The following VPS8 variants were observed in gnomAD, a reference collection of about 807,000 sequenced individuals.
VPS8 encodes VPS8 subunit of CORVET complex, also known as vacuolar protein sorting-associated protein 8 homolog.
VPS8 carries 129 observed loss-of-function variants against 216.4 expected under a neutral mutation model. The ratio of observed to expected loss-of-function variants is 0.60; its 90% CI spans 0.52 to 0.69. VPS8 has a LOEUF of 0.69. Among genes scored for constraint, VPS8 ranks in the 30% least tolerant of loss-of-function variants. The probability of loss-of-function intolerance (pLI) is 0.00; values close to 1 mark genes in which losing one functional copy is unlikely to be tolerated. For missense variants in VPS8, 1,531 were observed against 1,683.5 expected (o/e 0.91, Z 1.59); for synonymous variants, 571 against 565.4 (o/e 1.01, Z -0.14).
intron 6 of VPS8, chr3:184,839,192 C>T (rs770301661): frequency 1.7e-5 from 3 of 176,446 alleles, no homozygotes; most frequent in Non-Finnish European, 3.5e-5. Context: ...ATTGAAAGCA[C>T]GCTGGTACTC....
chr3:184,908,693 T>C (rs1735932581), intron 25 of VPS8, among the ~76,000 whole-genome samples: 1 of 152,216 alleles, frequency 6.6e-6, no homozygotes, highest in Non-Finnish European at 1.5e-5. Flanking sequence ...TCCCCAGCTC[T>C]TGTCCAGCAT....
intron 40 of VPS8, among the ~76,000 whole-genome samples, chr3:184,978,484 C>CT (rs1749676587): frequency 6.6e-6 from 1 of 151,822 alleles, no homozygotes; most frequent in South Asian, 2.1e-4. Context: ...TATGATCGAC[C>CT]TCCCAGGCTC....
chr3:184,925,656 C>A (rs1739452728), intron 30 of VPS8, among the ~76,000 whole-genome samples: 1 of 152,092 alleles, frequency 6.6e-6, no homozygotes, highest in African/African-American at 2.4e-5. Flanking sequence ...TATCCAAATT[C>A]AAGTGGCCTG....
At chr3:184,934,570 A>T (rs1476074301) in intron 34 of VPS8, among the ~76,000 whole-genome samples, 4 of 152,168 alleles carry the variant, frequency 2.6e-5, no homozygotes, top group Admixed American at 6.5e-5. Context: ...TGTTTACTGT[A>T]AGGATTTTTA....
intron 36 of VPS8, among the ~76,000 whole-genome samples, chr3:184,946,663 C>T (rs1163731426): frequency 2.6e-5 from 4 of 152,072 alleles, no homozygotes; most frequent in Non-Finnish European, 5.9e-5. Context: ...TCTATCTTCC[C>T]ATATCTCTTC....
At chr3:184,815,642 C>G (rs1255720053) in intron 1 of VPS8, 1 of 152,124 alleles carries the variant, frequency 6.6e-6, no homozygotes, top group East Asian at 1.9e-4. Flanking sequence ...GCCTACTCTT[C>G]TGCTCCGCTA....
At position 184,839,710 on chromosome 3, in the gene VPS8, C is replaced by T. The variant is rs1232468106; in HGVS notation, c.493C>T (p.Leu165=). The part of the protein sequence containing the change: ...GLPTAIAVSS[L]IAVGTSHGLA... ...CTTTTGTTTTCAGGCAGTATCCAGTCTGATAGCAGTGGGTACATCTCATGG... is the reference window on the plus strand; with the variant it reads ...CTTTTGTTTTCAGGCAGTATCCAGTTTGATAGCAGTGGGTACATCTCATGG... Residue 165 remains leucine (L), a synonymous_variant, in exon 7 of 48, where the codon CTG becomes TTG. Transcript: ENST00000625842. The T allele has an allele frequency of 6.2e-7, 1 of 1,606,414 alleles. No individual in the cohort carries two copies. Among genetic ancestry groups the T allele is most frequent in the African/African-American group, 1.3e-5 (1 of 74,976 alleles).
chr3:184,970,929 A>G (rs1159675618), intron 39 of VPS8, among the ~76,000 whole-genome samples: 2 of 152,312 alleles, frequency 1.3e-5, no homozygotes, highest in South Asian at 2.1e-4. Context: ...AATATTCGCA[A>G]GTTATCTGAA....
chr3:184,834,724 C>G lies in VPS8; in HGVS notation c.429C>G (p.Ala143=). 1.9e-6 allele frequency: 3 copies of G among 1,561,446 alleles called. No individual in the cohort carries two copies. Among genetic ancestry groups the G allele is most frequent in the Non-Finnish European group, 8.7e-7 (1 of 1,151,612 alleles). The change falls in exon 5 of 48, where the codon GCC becomes GCG. Residue 143 remains alanine (A), a synonymous_variant. Transcript: ENST00000625842. The part of the protein sequence containing the change: ...MRHSLLKGIS[A]QIVSAADKVD... ...ATTCACTTTTGAAGGGAATTTCTGC[C>G]CAGATAGTGTCTGCAGCTGTAAGTA...
chr3:184,970,734 G>A (rs1748266701), intron 39 of VPS8, among the ~76,000 whole-genome samples: 1 of 152,086 alleles, frequency 6.6e-6, no homozygotes, highest in Non-Finnish European at 1.5e-5. Context: ...TTTATGGAAG[G>A]GACTGATCTG....
chr3:184,924,611 C>T (rs1460126063), intron 29 of VPS8, among the ~76,000 whole-genome samples: 1 of 152,088 alleles, frequency 6.6e-6, no homozygotes, highest in Admixed American at 6.5e-5. Context: ...ACATCTCTAC[C>T]TCTTTATCAA....
At chr3:185,023,384 T>C (rs992834523) in intron 45 of VPS8, among the ~76,000 whole-genome samples, 1 of 152,210 alleles carries the variant, frequency 6.6e-6, no homozygotes, top group African/African-American at 2.4e-5. Flanking sequence ...TTGGACCTGA[T>C]AGTAGTCTTT....
rs1200180171 is a variant in VPS8 at position 184,914,992 on chromosome 3, C to T, written c.2201C>T (p.Ala734Val). 3 of 1,613,996 alleles carry T rather than the reference C, an allele frequency of 1.9e-6. No individual in the cohort carries two copies. Among genetic ancestry groups the T allele is most frequent in the Admixed American group, 1.7e-5 (1 of 60,030 alleles). ...KLLVYISCCL[A>V]GRAYPLGDIP... is the part of the protein sequence containing the mutation. ...TTCTTTTCTTCTAGCTGTTGTCTAG[C>T]AGGTCGTGCCTATCCCCTTGGTGAC... is the stretch of plus-strand genomic sequence containing the variant. The change falls in exon 27 of 48, where the codon GCA becomes GTA. Residue 734 changes from alanine (A) to valine (V), a missense_variant. Physicochemically the swap from Ala to Val is moderately conservative, Grantham distance 64 (BLOSUM62 0). Coordinates refer to ENST00000625842, the MANE Select transcript of VPS8 (RefSeq NM_001009921.3).
At chr3:184,944,604 A>G (rs898545184) in intron 36 of VPS8, 1 of 983,816 alleles carries the variant, frequency 1.0e-6, no homozygotes, top group Admixed American at 6.1e-5. Flanking sequence ...GTATATTTAT[A>G]TTCTGAATAT....
intron 2 of VPS8, 51 bp downstream of exon 2, chr3:184,824,836 G>A (rs915674067): frequency 4.6e-6 from 7 of 1,520,676 alleles, no homozygotes; most frequent in Non-Finnish European, 6.2e-6. Flanking sequence ...GTGTAGATTA[G>A]AGTATGCTTT....
At chr3:184,818,747 C>T (rs1716900993) in intron 1 of VPS8, among the ~76,000 whole-genome samples, 1 of 152,096 alleles carries the variant, frequency 6.6e-6, no homozygotes, top group Non-Finnish European at 1.5e-5. Flanking sequence ...TAAATAAAAA[C>T]TTGATTCTAT....
intron 21 of VPS8, among the ~76,000 whole-genome samples, chr3:184,884,899 T>G (rs1372820252): frequency 1.3e-5 from 2 of 152,178 alleles, no homozygotes; most frequent in African/African-American, 4.8e-5. Context: ...TAAAAGATGT[T>G]TATTTTCTCT....
At chr3:184,836,371 C>A (rs1421830533) in intron 5 of VPS8, 1 of 454,794 alleles carries the variant, frequency 2.2e-6, no homozygotes, top group Admixed American at 2.4e-5. Context: ...CAAGATGAAC[C>A]AGAACAGTCA....
chr3:184,894,508 G>GTGTATATATATATATA (rs1553857846), intron 22 of VPS8, among the ~76,000 whole-genome samples, 195 bp from the exon 23 acceptor site: 10 of 133,128 alleles, frequency 7.5e-5, no homozygotes, highest in Non-Finnish European at 1.1e-4. Context: ...ATATACACAC[G>GTGTATATATATATATA]TATATATATA....
Sources: allele counts gnomAD v4.1 joint callset (sites outside exome capture counted in the v4.1 genomes callset), GRCh38; gene constraint gnomAD v4.1.1; transcripts MANE v1.5; gene names NCBI Gene and HGNC (gene_info 2026-07-23, HGNC 2026-07-21).